Variants in PTPRD observed in about 807,000 individuals in gnomAD.
PTPRD encodes the protein protein tyrosine phosphatase receptor type D, also known as receptor-type tyrosine-protein phosphatase delta.
Under a neutral mutation model 214.5 loss-of-function variants are expected in PTPRD, and 34 were observed. That is an observed-to-expected ratio of 0.16 (90% CI 0.12 to 0.21). PTPRD has a LOEUF of 0.21. PTPRD is among the 10% of genes least tolerant of loss of function. The pLI is 1.00. For synonymous variants in PTPRD, 1,128 were observed against 845.7 expected (o/e 1.33, Z -5.79); for missense variants, 2,545 against 2,398.7 (o/e 1.06, Z -1.27).
At chr9:9,620,650 G>A (rs1442942241) in intron 7 of PTPRD, among the ~76,000 whole-genome samples, 1 of 151,926 alleles carries the variant, frequency 6.6e-6, no homozygotes, top group Non-Finnish European at 1.5e-5. Context: ...TTATGACCTA[G>A]GCCCACATTG....
intron 12 of PTPRD, among the ~76,000 whole-genome samples, chr9:8,656,711 G>C (rs1048801664): frequency 1.3e-5 from 2 of 152,186 alleles, no homozygotes; most frequent in Non-Finnish European, 2.9e-5. Context: ...TTTGGATTTA[G>C]CAGAATATCT....
At chr9:9,589,264 C>G (rs1396316729) in intron 7 of PTPRD, among the ~76,000 whole-genome samples, 4 of 151,632 alleles carry the variant, frequency 2.6e-5, no homozygotes, top group Non-Finnish European at 4.4e-5. Flanking sequence ...CAGTAAAATC[C>G]TCTTAAGGAT....
At chr9:8,717,242 A>C (rs1225898851) in intron 12 of PTPRD, among the ~76,000 whole-genome samples, 3 of 152,196 alleles carry the variant, frequency 2.0e-5, no homozygotes, top group Non-Finnish European at 4.4e-5. Flanking sequence ...ATCAATGTGC[A>C]TTAGGTGTGT....
At chr9:9,021,991 G>A (rs2099571493) in intron 10 of PTPRD, among the ~76,000 whole-genome samples, 1 of 151,736 alleles carries the variant, frequency 6.6e-6, no homozygotes, top group African/African-American at 2.4e-5. Flanking sequence ...GGGGCAAGGG[G>A]AGGGAGAACA....
At chr9:8,602,019 T>A (rs904877827) in intron 14 of PTPRD, among the ~76,000 whole-genome samples, 42 of 151,918 alleles carry the variant, frequency 2.8e-4, no homozygotes, top group African/African-American at 9.7e-4. Context: ...GTAGAAGATA[T>A]CAGATCTCCA....
chr9:8,478,049 G>A (rs2096800967), intron 30 of PTPRD, among the ~76,000 whole-genome samples: 1 of 152,118 alleles, frequency 6.6e-6, no homozygotes, highest in Admixed American at 6.6e-5. Context: ...CACCTAGTAT[G>A]CCCTCTGTTC....
chr9:8,885,781 C>G (rs2098482699), intron 11 of PTPRD, among the ~76,000 whole-genome samples: 2 of 151,998 alleles, frequency 1.3e-5, no homozygotes, highest in African/African-American at 4.8e-5. Flanking sequence ...ATCAGCGTGA[C>G]CCACCGTGCC....
intron 5 of PTPRD, among the ~76,000 whole-genome samples, chr9:9,843,891 T>C (rs112259526): frequency 2.0e-5 from 3 of 152,176 alleles, no homozygotes; most frequent in African/African-American, 4.8e-5. Flanking sequence ...TCTTATCGAA[T>C]AGACCATGAC....
chr9:10,210,494 G>C (rs916721598), intron 3 of PTPRD, among the ~76,000 whole-genome samples: 1 of 151,758 alleles, frequency 6.6e-6, no homozygotes, highest in African/African-American at 2.4e-5. Context: ...TGTAGCTCTT[G>C]GGGTATGGGA....
Position 10,075,571 on chromosome 9 carries a change from A to G in PTPRD, c.-544-41781T>C, listed in dbSNP as rs140348191. Among the ~76,000 whole-genome samples the G allele has an allele frequency of 9.2e-5, 14 of 152,082 alleles. No individual in the cohort carries two copies. In the East Asian group the frequency reaches 2.7e-3, roughly 30 times the overall value. ...TGGGGGATTTTAATCAGTTTTGTTC[A>G]CTGATAAATCACAAGTGTCTAGACA... is the stretch of plus-strand genomic sequence containing the variant. On this transcript the variant is annotated intron_variant, in intron 3 of 45. Transcript: ENST00000381196.
At position 8,653,359 on chromosome 9, in the gene PTPRD, T is replaced by C. The variant is rs148799625; in HGVS notation, c.65-16515A>G. ...TTGCAAAACAACACAGTTATACTTT[T>C]ACTTAGACTGGATTACATACAAAGC... is the stretch of plus-strand genomic sequence containing the variant. On this transcript the variant is annotated intron_variant, in intron 12 of 45. Coordinates refer to ENST00000381196, the MANE Select transcript of PTPRD (RefSeq NM_002839.4). Among the ~76,000 whole-genome samples, 187 of 152,282 alleles carry C rather than the reference T, an allele frequency of 1.2e-3. 2 individuals are homozygous for C. Among genetic ancestry groups the C allele is most frequent in the African/African-American group, 4.3e-3 (179 of 41,566 alleles).
intron 9 of PTPRD, among the ~76,000 whole-genome samples, chr9:9,253,833 T>C (rs1569565757): frequency 6.6e-6 from 1 of 152,118 alleles, no homozygotes; most frequent in Non-Finnish European, 1.5e-5. Context: ...AAGTTTATTC[T>C]CTTCTGTTCC....
At chr9:8,552,001 G>T (rs1172686906) in intron 14 of PTPRD, among the ~76,000 whole-genome samples, 1 of 152,136 alleles carries the variant, frequency 6.6e-6, no homozygotes, top group Non-Finnish European at 1.5e-5. Context: ...TTGTAGCTAA[G>T]ATCCAAGTTG....
intron 5 of PTPRD, among the ~76,000 whole-genome samples, chr9:9,878,501 G>A (rs1006707330): frequency 6.6e-6 from 1 of 152,114 alleles, no homozygotes; most frequent in South Asian, 2.1e-4. Flanking sequence ...TCCAGGAGGG[G>A]CAAATAAATG....
At chr9:8,381,101 A>G (rs2084924672) in intron 37 of PTPRD, among the ~76,000 whole-genome samples, 1 of 152,178 alleles carries the variant, frequency 6.6e-6, no homozygotes, top group Non-Finnish European at 1.5e-5. Context: ...TACCATAACT[A>G]TTGCTAAAAG....
intron 9 of PTPRD, among the ~76,000 whole-genome samples, chr9:9,286,145 T>A (rs1949284749): frequency 6.6e-6 from 1 of 151,856 alleles, no homozygotes. Flanking sequence ...TTCTCCCACT[T>A]CACATTTCAT....
chr9:10,304,388 A>T (rs940236082), intron 3 of PTPRD, among the ~76,000 whole-genome samples: 1 of 152,190 alleles, frequency 6.6e-6, no homozygotes, highest in Non-Finnish European at 1.5e-5. Flanking sequence ...CTCCTATTCA[A>T]CATAGTATTG....
chr9:9,828,793 T>C (rs897760781), intron 5 of PTPRD, among the ~76,000 whole-genome samples: 1 of 151,908 alleles, frequency 6.6e-6, no homozygotes, highest in Non-Finnish European at 1.5e-5. Flanking sequence ...GTAGTGTTTA[T>C]ACCATCATCT....
intron 8 of PTPRD, among the ~76,000 whole-genome samples, chr9:9,544,812 G>C (rs1455883159): frequency 6.6e-6 from 1 of 151,434 alleles, no homozygotes; most frequent in Admixed American, 6.6e-5. Flanking sequence ...TTGGTATTCT[G>C]CTTTAGAATT....
Sources: gnomAD v4.1 joint callset for allele counts (sites outside exome capture counted in the v4.1 genomes callset) on GRCh38, gnomAD v4.1.1 for gene constraint, MANE v1.5 for transcripts, NCBI Gene and HGNC (gene_info 2026-07-23, HGNC 2026-07-21) for gene names.